SYNRG: variants seen among roughly 807,000 people sequenced by gnomAD.
The protein encoded by SYNRG is AP1 gamma subunit binding protein 1.
A neutral mutation model predicts 130.9 loss-of-function variants in SYNRG; 37 were observed. The observed-to-expected ratio is 0.28, with a 90% CI of 0.22 to 0.37. The LOEUF (loss-of-function observed/expected upper bound fraction) is 0.37. Ranked by LOEUF, SYNRG falls within the 10% of genes least tolerant of loss-of-function variation. The pLI, the probability that SYNRG is intolerant of heterozygous loss-of-function variation, is 1.00. For missense variants in SYNRG, 1,338 were observed against 1,588.9 expected (o/e 0.84, Z 2.68); for synonymous variants, 539 against 568.1 (o/e 0.95, Z 0.73).
At chr17:37,579,553 A>G (rs756275814) in intron 6 of SYNRG, 5 of 736,614 alleles carry the variant, frequency 6.8e-6, no homozygotes, top group Non-Finnish European at 9.7e-6. Flanking sequence ...GAGGTGAACA[A>G]GAAATAACAA....
At chr17:37,564,269 CCAGAGGCCCTT>C (rs1011662007) in intron 11 of SYNRG, among the ~76,000 whole-genome samples, 1 of 152,204 alleles carries the variant, frequency 6.6e-6, no homozygotes, top group African/African-American at 2.4e-5. Context: ...TTGCTGCCTT[CCAGAGGCCCTT>C]CAGGTCTTAT....
At chr17:37,545,232 T>A (rs189286631) in intron 14 of SYNRG, among the ~76,000 whole-genome samples, 15,370 of 146,706 alleles carry the variant, frequency 0.1, 934 homozygotes, top group Non-Finnish European at 0.13. Flanking sequence ...AAAAAAAAAA[T>A]AATAATAATA....
At chr17:37,550,630 A>G (rs927708840) in intron 14 of SYNRG, among the ~76,000 whole-genome samples, 1 of 152,218 alleles carries the variant, frequency 6.6e-6, no homozygotes, top group African/African-American at 2.4e-5. Context: ...GAATATACTA[A>G]AGTAAATTTG....
At chr17:37,578,234 G>A (rs1010844793) in intron 6 of SYNRG, among the ~76,000 whole-genome samples, 13 of 151,912 alleles carry the variant, frequency 8.6e-5, no homozygotes, top group Admixed American at 7.9e-4. Flanking sequence ...GGGAGGCTGA[G>A]GCAGGAGAAT....
At position 37,576,346 on chromosome 17, in the gene SYNRG, A is replaced by G. The variant is rs759451441; in HGVS notation, c.896T>C (p.Val299Ala). 2.0e-5 allele frequency: 32 copies of G among 1,613,632 alleles called. No individual in the cohort carries two copies. The East Asian group carries it at 5.8e-4, about 29-fold the overall frequency. Residue 299 changes from valine to alanine, a missense_variant, in exon 8 of 22, where the codon GTT becomes GCT. Val to Ala is a moderately conservative substitution (Grantham distance 64). Transcript: ENST00000612223. ...MPPWIYNESL[V>A]PDAYKKILET... ...GGGTAAAGAAGCTTTTTTACCTGGA[A>G]CCAAACTCTCATTGTAAATCCAAGG...
chr17:37,519,179 C>A, intron 21 of SYNRG, 108 bp from the exon 22 acceptor site: 1 of 1,436,526 alleles, frequency 7.0e-7, no homozygotes, highest in South Asian at 1.3e-5. Flanking sequence ...GAGGCTGAGG[C>A]CAAAATGGCA....
At chr17:37,581,765 CTTT>C (rs398041650) in intron 6 of SYNRG, among the ~76,000 whole-genome samples, 3 of 105,288 alleles carry the variant, frequency 2.8e-5, no homozygotes, top group Admixed American at 9.5e-5. Context: ...CATTTTTTTT[CTTT>C]TTTTTTTTTT....
chr17:37,540,606 C>T, intron 15 of SYNRG, 63 bp from the exon 16 acceptor site: 5 of 1,343,318 alleles, frequency 3.7e-6, no homozygotes, highest in Middle Eastern at 2.0e-4. Context: ...GGCAGAGGCT[C>T]TTCCTCGCTA....
chr17:37,533,032 CTT>C (rs986871576), intron 19 of SYNRG, among the ~76,000 whole-genome samples: 1 of 151,402 alleles, frequency 6.6e-6, no homozygotes, highest in African/African-American at 2.4e-5. Context: ...AAGGATTTCT[CTT>C]TTTTTTTGAA....
At chr17:37,562,291 G>A (rs1016186194) in intron 11 of SYNRG, among the ~76,000 whole-genome samples, 2 of 152,224 alleles carry the variant, frequency 1.3e-5, no homozygotes, top group Non-Finnish European at 2.9e-5. Context: ...ACTTTTGCCT[G>A]TGGACATATT....
At chr17:37,530,456 TCGGCACATATCAC>T (rs1050590539) in intron 19 of SYNRG, among the ~76,000 whole-genome samples, 4 of 152,212 alleles carry the variant, frequency 2.6e-5, no homozygotes, top group African/African-American at 9.6e-5. Flanking sequence ...ACAGGCACCC[TCGGCACATATCAC>T]TAGCGAATCA....
intron 4 of SYNRG, 142 bp from the exon 5 acceptor site, chr17:37,585,572 G>T (rs548788486): frequency 5.0e-6 from 3 of 598,372 alleles, no homozygotes; most frequent in African/African-American, 3.8e-5. Flanking sequence ...GTTTTCTTAC[G>T]ACAATCCTGT....
At position 37,533,926 on chromosome 17, in the gene SYNRG, C is replaced by CTTTTTT. The variant is rs765621244; in HGVS notation, c.3666+2047_3666+2052dup. ...AGGTTTCTAAACTTCATTTTCTTTT[C>CTTTTTT]TTTTTTTTTTTTTTTTTTTTTTTTT... On this transcript the variant is annotated intron_variant, in intron 19 of 21. Transcript: ENST00000612223. 1.7e-3 allele frequency among the ~76,000 whole-genome samples: 99 copies of CTTTTTT among 57,812 alleles called. 14 individuals are homozygous for CTTTTTT. Among genetic ancestry groups the CTTTTTT allele is most frequent in the African/African-American group, 3.1e-3 (43 of 13,672 alleles). 37.9% of individuals were successfully genotyped at this position (57,812 alleles called of 152,430 possible).
At chr17:37,606,931 T>G (rs8079671) in intron 1 of SYNRG, among the ~76,000 whole-genome samples, 26,608 of 152,026 alleles carry the variant, frequency 0.18, 2,789 homozygotes, top group East Asian at 0.53. Context: ...TTAAGTTTCC[T>G]TATAAAATAA....
chr17:37,570,721 G>A lies in SYNRG; in HGVS notation c.1263C>T (p.Val421=). 1 of 1,614,228 alleles carries A rather than the reference G, an allele frequency of 6.2e-7. No homozygotes were observed. Among genetic ancestry groups the A allele is most frequent in the South Asian group, 1.1e-5 (1 of 91,082 alleles). ...CTGGTCCAACAAGGTTAATGCCCATGACTGGCTGTCCAAGGCTGAGGGGCA... is the reference window on the plus strand; with the variant it reads ...CTGGTCCAACAAGGTTAATGCCCATAACTGGCTGTCCAAGGCTGAGGGGCA... ...GSMPLSLGQP[V]MGINLVGPVG... is the part of the protein sequence containing the mutation. Residue 421 remains valine (V), a synonymous_variant, in exon 10 of 22, where the codon GTC becomes GTT. Coordinates refer to ENST00000612223, the MANE Select transcript of SYNRG (RefSeq NM_007247.6).
intron 19 of SYNRG, chr17:37,529,943 A>T: frequency 8.9e-7 from 1 of 1,119,244 alleles, no homozygotes. Context: ...TGCCACCCAA[A>T]CAAAGAACCT....
chr17:37,530,003 G>A (rs2056451123), intron 19 of SYNRG, among the ~76,000 whole-genome samples: 1 of 152,010 alleles, frequency 6.6e-6, no homozygotes, highest in African/African-American at 2.4e-5. Flanking sequence ...TACAGTCCTG[G>A]TATATATATG....
intron 14 of SYNRG, among the ~76,000 whole-genome samples, chr17:37,544,597 G>A (rs1026179819): frequency 1.3e-5 from 2 of 152,080 alleles, no homozygotes; most frequent in African/African-American, 4.8e-5. Flanking sequence ...TTACAGGCAT[G>A]AGCCATTGTG....
chr17:37,514,948 A>G lies in SYNRG; in HGVS notation c.*3992T>C, dbSNP rs1041624750. ...TTGTTTATTAAAATACAAACAAGGGAGAAACCACACCATCTTTTAAAATAC... is the reference window on the plus strand; with the variant it reads ...TTGTTTATTAAAATACAAACAAGGGGGAAACCACACCATCTTTTAAAATAC... On this transcript the variant is annotated 3_prime_UTR_variant, in exon 22 of 22. Transcript: ENST00000612223. 5.9e-5 allele frequency: 9 copies of G among 152,234 alleles called. No homozygotes were observed. Among genetic ancestry groups the G allele is most frequent in the African/African-American group, 2.2e-4 (9 of 41,462 alleles). 9.4% of individuals were successfully genotyped at this position (152,234 alleles called of 1,614,324 possible). A position where few individuals can be genotyped will look rare whatever the true frequency, so the allele number is the denominator to read the frequency against.
Sources: allele counts gnomAD v4.1 joint callset (sites outside exome capture counted in the v4.1 genomes callset), GRCh38; gene constraint gnomAD v4.1.1; transcripts MANE v1.5; gene names NCBI Gene and HGNC (gene_info 2026-07-23, HGNC 2026-07-21).